Variants in BNC2 observed in about 807,000 individuals in gnomAD.
BNC2 encodes basonuclin zinc finger protein 2, also known as zinc finger protein basonuclin-2.
In BNC2, 20 loss-of-function variants were observed where a neutral mutation model predicts 76.3. That is an observed-to-expected ratio of 0.26 (90% CI 0.18 to 0.38). The LOEUF is 0.38. Ranked by LOEUF, BNC2 falls within the 10% of genes least tolerant of loss-of-function variation. The probability of loss-of-function intolerance (pLI) is 1.00; values close to 1 mark genes in which losing one functional copy is unlikely to be tolerated. For synonymous variants in BNC2, 582 were observed against 514.8 expected (o/e 1.13, Z -1.77); for missense variants, 1,382 against 1,399.8 (o/e 0.99, Z 0.20).
chr9:16,803,794 G>A (rs777408723), intron 1 of BNC2, among the ~76,000 whole-genome samples: 2 of 152,174 alleles, frequency 1.3e-5, no homozygotes, highest in Non-Finnish European at 2.9e-5. Context: ...CCTGGCACTC[G>A]AGTGGGCAAA....
intron 4 of BNC2, among the ~76,000 whole-genome samples, chr9:16,569,059 T>A (rs188996556): frequency 3.9e-4 from 59 of 150,850 alleles, no homozygotes; most frequent in African/African-American, 1.4e-3. Context: ...GCTAAAAGAG[T>A]TGATCCCCAA....
chr9:16,554,036 A>C (rs1387821349), intron 4 of BNC2, among the ~76,000 whole-genome samples: 2 of 152,220 alleles, frequency 1.3e-5, no homozygotes, highest in African/African-American at 4.8e-5. Flanking sequence ...GAGTCAGGCA[A>C]ATGGGTATCA....
At chr9:16,802,689 G>C (rs1226421834) in intron 1 of BNC2, among the ~76,000 whole-genome samples, 1 of 152,168 alleles carries the variant, frequency 6.6e-6, no homozygotes, top group Non-Finnish European at 1.5e-5. Flanking sequence ...GGACCGAAGG[G>C]TTTTTGTAAG....
At chr9:16,435,500 C>G in intron 6 of BNC2, 55 bp downstream of exon 6, 2 of 1,597,062 alleles carry the variant, frequency 1.3e-6, no homozygotes, top group South Asian at 2.2e-5. Context: ...TCCAACATGA[C>G]TGAAAACTGG....
intron 5 of BNC2, among the ~76,000 whole-genome samples, chr9:16,550,014 A>G (rs1197815729): frequency 9.9e-5 from 15 of 151,984 alleles, no homozygotes; most frequent in Admixed American, 9.8e-4. Context: ...AAAATTAATT[A>G]TAATTTAAGT....
chr9:16,473,943 C>A (rs1821878534), intron 5 of BNC2, among the ~76,000 whole-genome samples: 1 of 152,088 alleles, frequency 6.6e-6, no homozygotes, highest in Non-Finnish European at 1.5e-5. Context: ...AAAGTGTTTT[C>A]AGATCCACTG....
At chr9:16,707,626 T>C (rs1004103363) in intron 3 of BNC2, among the ~76,000 whole-genome samples, 1 of 152,056 alleles carries the variant, frequency 6.6e-6, no homozygotes, top group Non-Finnish European at 1.5e-5. Context: ...TCTAAACAAG[T>C]TGCCAAGTAA....
intron 5 of BNC2, among the ~76,000 whole-genome samples, chr9:16,543,541 C>T (rs968905117): frequency 6.6e-5 from 10 of 152,194 alleles, no homozygotes; most frequent in Non-Finnish European, 1.3e-4. Context: ...CTTCATGTCC[C>T]ACAGGCGCAA....
rs1326195726 is a variant in BNC2 at position 16,417,151 on chromosome 9, AAAAG to A, written c.*1834_*1837del. 1 of 148,174 alleles carries A rather than the reference AAAAG, an allele frequency of 6.7e-6. No individual in the cohort carries two copies. The highest frequency in any genetic ancestry group is 1.5e-5 in the Non-Finnish European group (1 of 67,636). The allele number at this position is 148,174 out of a possible 1,614,324, so 9.2% of individuals were successfully genotyped here. A position where few individuals can be genotyped will look rare whatever the true frequency, so the allele number is the denominator to read the frequency against. Reference sequence around the variant, plus strand: ...TCCCCTCCACTTAAAAAAAAAGGAAAAAAGAAAAAAAAAAGACAACAAAACAGTC... The same window carrying A: ...TCCCCTCCACTTAAAAAAAAAGGAAAAAAAAAAAAAGACAACAAAACAGTC... On this transcript the variant is annotated 3_prime_UTR_variant, in exon 7 of 7. Transcript: ENST00000380672.
At chr9:16,651,799 T>A (rs761060867) in intron 3 of BNC2, among the ~76,000 whole-genome samples, 6 of 152,140 alleles carry the variant, frequency 3.9e-5, no homozygotes, top group Non-Finnish European at 5.9e-5. Flanking sequence ...AAGGGATAAC[T>A]CAACTGACAC....
chr9:16,453,771 C>G (rs1408438031), intron 5 of BNC2, among the ~76,000 whole-genome samples: 1 of 152,162 alleles, frequency 6.6e-6, no homozygotes, highest in African/African-American at 2.4e-5. Flanking sequence ...GAGCTGAGAT[C>G]ATGCCACTTT....
intron 3 of BNC2, among the ~76,000 whole-genome samples, chr9:16,659,867 T>G (rs530496876): frequency 6.6e-6 from 1 of 152,308 alleles, no homozygotes; most frequent in South Asian, 2.1e-4. Context: ...CTCCCTATCT[T>G]ATATGTTCTT....
intron 3 of BNC2, among the ~76,000 whole-genome samples, chr9:16,716,616 C>G (rs1824003663): frequency 6.6e-6 from 1 of 152,100 alleles, no homozygotes; most frequent in South Asian, 2.1e-4. Flanking sequence ...TCATTTCATC[C>G]AACTATATTA....
At chr9:16,542,433 C>A (rs113953691) in intron 5 of BNC2, among the ~76,000 whole-genome samples, 249 of 152,210 alleles carry the variant, frequency 1.6e-3, no homozygotes, top group African/African-American at 5.6e-3. Context: ...GTAGACATAA[C>A]AGATCACTCA....
intron 3 of BNC2, among the ~76,000 whole-genome samples, chr9:16,589,533 G>T (rs562913350): frequency 1.1e-4 from 9 of 82,616 alleles, no homozygotes; most frequent in African/African-American, 3.0e-4. Context: ...TTTTGAGACG[G>T]AATCTCACTC....
intron 1 of BNC2, among the ~76,000 whole-genome samples, chr9:16,790,941 T>A (rs1817487464): frequency 6.6e-6 from 1 of 152,080 alleles, no homozygotes; most frequent in Non-Finnish European, 1.5e-5. Flanking sequence ...TATCCATTTT[T>A]ATGAAATGCT....
chr9:16,588,090 C>G (rs1819823183), intron 3 of BNC2, among the ~76,000 whole-genome samples: 1 of 152,154 alleles, frequency 6.6e-6, no homozygotes, highest in Admixed American at 6.5e-5. Flanking sequence ...ATACATGATT[C>G]TCTGAGCCCG....
intron 4 of BNC2, chr9:16,579,829 A>AAC (rs1425509954): frequency 3.1e-6 from 1 of 318,760 alleles, no homozygotes; most frequent in Non-Finnish European, 5.6e-6. Flanking sequence ...AAAGGAGGTC[A>AAC]ACAAATTTCT....
chr9:16,464,897 G>C (rs1194289187), intron 5 of BNC2, among the ~76,000 whole-genome samples: 1 of 152,150 alleles, frequency 6.6e-6, no homozygotes, highest in Non-Finnish European at 1.5e-5. Flanking sequence ...ACTGAACTAT[G>C]ATCTATATGC....
Sources: allele counts gnomAD v4.1 joint callset (sites outside exome capture counted in the v4.1 genomes callset), GRCh38; gene constraint gnomAD v4.1.1; transcripts MANE v1.5; gene names NCBI Gene and HGNC (gene_info 2026-07-23, HGNC 2026-07-21).